Variants in LAMTOR3 observed in about 807,000 individuals in gnomAD.
LAMTOR3 encodes ragulator complex protein LAMTOR3.
Under a neutral mutation model 20.3 loss-of-function variants are expected in LAMTOR3, and 14 were observed. The ratio of observed to expected loss-of-function variants is 0.69; its 90% CI spans 0.46 to 1.08. LAMTOR3 has a LOEUF of 1.08. LAMTOR3 is among the 50% of genes least tolerant of loss of function. The probability of loss-of-function intolerance (pLI) is 0.00; values close to 1 mark genes in which losing one functional copy is unlikely to be tolerated. For synonymous variants in LAMTOR3, 40 were observed against 49.4 expected (o/e 0.81, Z 0.80); for missense variants, 125 against 143.7 (o/e 0.87, Z 0.67).
intron 2 of LAMTOR3, 97 bp from the exon 3 acceptor site, chr4:99,892,131 T>A (rs922338509): frequency 6.9e-7 from 1 of 1,446,140 alleles, no homozygotes; most frequent in African/African-American, 1.5e-5. Context: ...TCAGTTATCA[T>A]TCATAACCTT....
chr4:99,887,159 T>C (rs1578203179), intron 4 of LAMTOR3, 137 bp downstream of exon 4: 1 of 483,022 alleles, frequency 2.1e-6, no homozygotes, highest in African/African-American at 2.1e-5. Flanking sequence ...AAGCAAACAC[T>C]TTCCCCAATA....
chr4:99,881,955 T>C lies in LAMTOR3; in HGVS notation c.*39A>G. The C allele has an allele frequency of 2.3e-6, 3 of 1,300,210 alleles. No individual in the cohort carries two copies. The highest frequency in any genetic ancestry group is 2.2e-6 in the Non-Finnish European group (2 of 899,552). 80.5% of individuals were successfully genotyped at this position (1,300,210 alleles called of 1,614,324 possible). ...GATTGCTGGATTGATATTGTGTTGT[T>C]ATAATGAAGATAAGGTACACACTGA... On this transcript the variant is annotated 3_prime_UTR_variant, in exon 7 of 7. Transcript: ENST00000499666.
intron 1 of LAMTOR3, 109 bp from the exon 2 acceptor site, chr4:99,894,109 G>A: frequency 1.5e-6 from 1 of 655,654 alleles, no homozygotes; most frequent in South Asian, 3.6e-5. Context: ...AAACCCCCGC[G>A]GTTCTAGGGC....
At chr4:99,889,033 C>T (rs1448231288) in intron 3 of LAMTOR3, among the ~76,000 whole-genome samples, 6 of 152,154 alleles carry the variant, frequency 3.9e-5, no homozygotes, top group South Asian at 2.1e-4. Flanking sequence ...GATGAAACCC[C>T]GTCTCAGCCA....
At position 99,881,742 on chromosome 4, in the gene LAMTOR3, T is replaced by C; in HGVS notation, c.*252A>G. 4.8e-6 allele frequency: 2 copies of C among 413,732 alleles called. No homozygotes were observed. The highest frequency in any genetic ancestry group is 4.2e-5 in the Admixed American group (1 of 23,554). The allele number at this position is 413,732 out of a possible 1,614,324, so 25.6% of individuals were successfully genotyped here. On this transcript the variant is annotated 3_prime_UTR_variant, in exon 7 of 7. Transcript: ENST00000499666. Reference sequence around the variant, plus strand: ...ATATCTGGTGACCAGACTAACTCCATGGGAGCTGTGATAGACTGAACCATT... The same window carrying C: ...ATATCTGGTGACCAGACTAACTCCACGGGAGCTGTGATAGACTGAACCATT...
chr4:99,889,558 G>A (rs746343024), intron 3 of LAMTOR3, among the ~76,000 whole-genome samples: 1 of 152,196 alleles, frequency 6.6e-6, no homozygotes, highest in Non-Finnish European at 1.5e-5. Context: ...AAATATGCAG[G>A]CATATGTGTA....
chr4:99,891,531 G>A (rs1725022438), intron 3 of LAMTOR3, among the ~76,000 whole-genome samples: 1 of 152,174 alleles, frequency 6.6e-6, no homozygotes, highest in Non-Finnish European at 1.5e-5. Flanking sequence ...TGGTCACTGT[G>A]CATCTGTTAT....
At position 99,880,005 on chromosome 4, in the gene LAMTOR3, C is replaced by G. The variant is rs1724794616; in HGVS notation, c.*1989G>C. ...ATATGGTATAGCCTGCTGTTCTGAC[C>G]ACCCTCGTATGTGGTCCTTCACTAA... On this transcript the variant is annotated 3_prime_UTR_variant, in exon 7 of 7. Coordinates refer to ENST00000499666, the MANE Select transcript of LAMTOR3 (RefSeq NM_021970.4). 7.1e-6 allele frequency: 1 copy of G among 140,078 alleles called. No homozygotes were observed. The highest frequency in any genetic ancestry group is 2.3e-4 in the South Asian group (1 of 4,424). The allele number at this position is 140,078 out of a possible 1,614,324, so 8.7% of individuals were successfully genotyped here.
intron 6 of LAMTOR3, among the ~76,000 whole-genome samples, chr4:99,882,770 CATAA>C (rs1322863694): frequency 2.0e-5 from 3 of 151,806 alleles, no homozygotes; most frequent in Non-Finnish European, 4.4e-5. Context: ...AAAGCTAAGA[CATAA>C]ATAAATATTT....
intron 3 of LAMTOR3, among the ~76,000 whole-genome samples, chr4:99,889,219 A>C (rs1724980974): frequency 6.6e-6 from 1 of 152,198 alleles, no homozygotes; most frequent in Non-Finnish European, 1.5e-5. Context: ...AAAAAGATTA[A>C]TACATAAAAT....
In LAMTOR3 at chr4:99,881,726, G is replaced by A; in HGVS notation, c.*268C>T. Reference sequence around the variant, plus strand: ...ATAGAATCTCTCATCCATATCTGGTGACCAGACTAACTCCATGGGAGCTGT... The same window carrying A: ...ATAGAATCTCTCATCCATATCTGGTAACCAGACTAACTCCATGGGAGCTGT... On this transcript the variant is annotated 3_prime_UTR_variant, in exon 7 of 7. Transcript: ENST00000499666. 2.7e-6 allele frequency: 1 copy of A among 372,690 alleles called. No individual in the cohort carries two copies. Among genetic ancestry groups the A allele is most frequent in the Non-Finnish European group, 4.8e-6 (1 of 207,710 alleles). The allele number at this position is 372,690 out of a possible 1,614,324, so 23.1% of individuals were successfully genotyped here. A position where few individuals can be genotyped will look rare whatever the true frequency, so the allele number is the denominator to read the frequency against.
At chr4:99,894,147 G>C in intron 1 of LAMTOR3, 147 bp from the exon 2 acceptor site, 1 of 468,308 alleles carries the variant, frequency 2.1e-6, no homozygotes, top group Non-Finnish European at 3.8e-6. Context: ...GTGGGAGTCG[G>C]AGTGCCCCAG....
chr4:99,885,462 A>G, intron 5 of LAMTOR3, 80 bp downstream of exon 5: 2 of 1,256,370 alleles, frequency 1.6e-6, no homozygotes, highest in Non-Finnish European at 1.1e-6. Context: ...TGAGAACTAT[A>G]ACACAAACTA....
chr4:99,881,194 A>C lies in LAMTOR3; in HGVS notation c.*800T>G, dbSNP rs1724820574. 6.6e-6 allele frequency: 1 copy of C among 152,244 alleles called. No individual in the cohort carries two copies. The highest frequency in any genetic ancestry group is 2.1e-4 in the South Asian group (1 of 4,836). The allele number at this position is 152,244 out of a possible 1,614,324, so 9.4% of individuals were successfully genotyped here. ...GTCTGAACAAAAAAAGGACCTATAC[A>C]GTGCTCAAACTATATTTTTAAAAAT... On this transcript the variant is annotated 3_prime_UTR_variant, in exon 7 of 7. Transcript: ENST00000499666.
rs1260803053 is a variant in LAMTOR3, at chr4:99,880,449, CA to C, written c.*1544del. On this transcript the variant is annotated 3_prime_UTR_variant, in exon 7 of 7. Transcript: ENST00000499666. Reference sequence around the variant, plus strand: ...CTCTACTAAAAATACACAAATTTGCCAAGTGCGATGGTGTAAGCCTGTAATC... The same window carrying C: ...CTCTACTAAAAATACACAAATTTGCCAGTGCGATGGTGTAAGCCTGTAATC... 1 of 151,906 alleles carries C rather than the reference CA, an allele frequency of 6.6e-6. No individual in the cohort carries two copies. Among genetic ancestry groups the C allele is most frequent in the Non-Finnish European group, 1.5e-5 (1 of 68,000 alleles). 9.4% of individuals were successfully genotyped at this position (151,906 alleles called of 1,614,324 possible).
In LAMTOR3 at chr4:99,881,950, G is replaced by A; in HGVS notation, c.*44C>T. On this transcript the variant is annotated 3_prime_UTR_variant, in exon 7 of 7. Transcript: ENST00000499666. ...CTAAAGATTGCTGGATTGATATTGT[G>A]TTGTTATAATGAAGATAAGGTACAC... is the stretch of plus-strand genomic sequence containing the variant. 1 of 1,261,300 alleles carries A rather than the reference G, an allele frequency of 7.9e-7. No homozygotes were observed. The highest frequency in any genetic ancestry group is 1.2e-6 in the Non-Finnish European group (1 of 865,120). The allele number at this position is 1,261,300 out of a possible 1,614,324, so 78.1% of individuals were successfully genotyped here. A position where few individuals can be genotyped will look rare whatever the true frequency, so the allele number is the denominator to read the frequency against.
chr4:99,889,221 A>AC (rs1724981109), intron 3 of LAMTOR3, among the ~76,000 whole-genome samples: 1 of 152,202 alleles, frequency 6.6e-6, no homozygotes, highest in Non-Finnish European at 1.5e-5. Flanking sequence ...AAAGATTAAT[A>AC]CATAAAATAA....
At position 99,882,047 on chromosome 4, in the gene LAMTOR3, T is replaced by C. The variant is rs1369337750; in HGVS notation, c.322A>G (p.Lys108Glu). 7 of 1,586,284 alleles carry C rather than the reference T, an allele frequency of 4.4e-6. No homozygotes were observed. The highest frequency in any genetic ancestry group is 5.1e-6 in the Non-Finnish European group (6 of 1,170,998). The change falls in exon 7 of 7, where the codon AAG becomes GAG. Residue 108 changes from lysine (K) to glutamate (E), a missense_variant. By Grantham distance (56) the Lys-to-Glu change is moderately conservative (BLOSUM62 1). This residue lies in a region of LAMTOR3 where 22 missense variants were observed against 31.2 expected (regional missense o/e 0.70). Transcript: ENST00000499666. ...ANTGLIVSLE[K>E]ELAPLFEELR... ...TCTTCAAACAATGGAGCAAGTTCCT[T>C]TTCTAGGCTGACAATTAGTCCTAAA... is the stretch of plus-strand genomic sequence containing the variant.
chr4:99,893,892 C>A (rs1006087041), intron 2 of LAMTOR3, 63 bp downstream of exon 2: 142 of 1,327,852 alleles, frequency 1.1e-4, no homozygotes, highest in Non-Finnish European at 1.3e-4. Flanking sequence ...TACCTCTCCC[C>A]GCTCAGTATG....
Sources: allele counts gnomAD v4.1 joint callset (sites outside exome capture counted in the v4.1 genomes callset), GRCh38; gene constraint gnomAD v4.1.1; regional missense constraint gnomAD v4.1.1; transcripts MANE v1.5; gene names NCBI Gene and HGNC (gene_info 2026-07-23, HGNC 2026-07-21).